The following RANBP2 variants were observed in gnomAD, a reference collection of about 807,000 sequenced individuals.
The protein encoded by RANBP2 is E3 SUMO-protein ligase RanBP2.
In RANBP2, 57 loss-of-function variants were observed where a neutral mutation model predicts 303.6. That is an observed-to-expected ratio of 0.19 (90% CI 0.15 to 0.23). The LOEUF is 0.23. Ranked by LOEUF, RANBP2 falls within the 10% of genes least tolerant of loss-of-function variation. RANBP2 has a pLI of 1.00. For synonymous variants in RANBP2, 1,167 were observed against 1,301.5 expected, an observed-to-expected ratio of 0.90 and a Z score of 2.23; for missense variants, 3,138 against 3,780.8, an observed-to-expected ratio of 0.83 and a Z score of 4.46.
chr2:109,039,490 A>G, the RANBP2 span, among the ~76,000 whole-genome samples: 18 of 152,272 alleles, frequency 1.2e-4, no homozygotes, highest in South Asian at 3.1e-3. Flanking sequence ...AGCTGGGACT[A>G]CAGGTGCATG....
the RANBP2 span, among the ~76,000 whole-genome samples, chr2:109,046,537 G>T: frequency 1.3e-5 from 2 of 151,298 alleles, no homozygotes; most frequent in African/African-American, 4.9e-5. Flanking sequence ...CTCCCAGGTA[G>T]CTGGGATTAG....
the RANBP2 span, among the ~76,000 whole-genome samples, chr2:109,725,063 A>T: frequency 1.3e-5 from 2 of 152,142 alleles, no homozygotes; most frequent in East Asian, 3.9e-4. Flanking sequence ...CTCTGTAACT[A>T]CTTGCTGAGT....
chr2:109,733,364 A>G, the RANBP2 span, among the ~76,000 whole-genome samples: 2 of 152,214 alleles, frequency 1.3e-5, no homozygotes, highest in African/African-American at 2.4e-5. Context: ...AAAGCATTTG[A>G]GGAAATAACA....
chr2:109,347,615 C>T, the RANBP2 span: 1 of 1,575,128 alleles, frequency 6.3e-7, no homozygotes, highest in South Asian at 1.2e-5. Flanking sequence ...CCGGCAGATC[C>T]ACTGTGGGGC....
chr2:109,180,615 G>A, the RANBP2 span, among the ~76,000 whole-genome samples: 53 of 152,248 alleles, frequency 3.5e-4, 2 homozygotes, highest in South Asian at 0.01. Context: ...TAAGTCTCAC[G>A]AGATCTGATG....
the RANBP2 span, among the ~76,000 whole-genome samples, chr2:109,141,302 C>T: frequency 6.6e-6 from 1 of 152,200 alleles, no homozygotes; most frequent in African/African-American, 2.4e-5. Context: ...TCGGCTTTTG[C>T]AGTTGCCACT....
At chr2:109,087,113 T>C in the RANBP2 span, among the ~76,000 whole-genome samples, 1 of 152,206 alleles carries the variant, frequency 6.6e-6, no homozygotes, top group Non-Finnish European at 1.5e-5. Context: ...AAATTGTCCC[T>C]GGGCCAGAAA....
At chr2:109,737,507 T>C in the RANBP2 span, 2 of 588,260 alleles carry the variant, frequency 3.4e-6, no homozygotes, top group Non-Finnish European at 6.0e-6. Context: ...CCACAAGCTT[T>C]CTCGCGGGCA....
At chr2:109,402,327 C>T in the RANBP2 span, among the ~76,000 whole-genome samples, 1 of 152,264 alleles carries the variant, frequency 6.6e-6, no homozygotes, top group Non-Finnish European at 1.5e-5. Context: ...GATTCTCTTC[C>T]CCACCATGCT....
At chr2:109,131,997 T>C in the RANBP2 span, among the ~76,000 whole-genome samples, 1 of 152,240 alleles carries the variant, frequency 6.6e-6, no homozygotes, top group Non-Finnish European at 1.5e-5. Context: ...TGTAATAGCA[T>C]ATCAGGCATT....
At chr2:108,720,767 G>A (rs189049190) in intron 1 of RANBP2, among the ~76,000 whole-genome samples, 70 of 152,270 alleles carry the variant, frequency 4.6e-4, no homozygotes, top group Non-Finnish European at 9.1e-4. Context: ...GGATATTGGC[G>A]GGGCGCAGTG....
chr2:108,834,789 C>T, the RANBP2 span, among the ~76,000 whole-genome samples: 2 of 152,164 alleles, frequency 1.3e-5, no homozygotes, highest in African/African-American at 2.4e-5. Flanking sequence ...GGTAGTCTCT[C>T]GTCTACTTTC....
chr2:109,031,661 C>T, the RANBP2 span, among the ~76,000 whole-genome samples: 1 of 152,144 alleles, frequency 6.6e-6, no homozygotes, highest in Admixed American at 6.5e-5. Flanking sequence ...GCTGGAGGAA[C>T]GGAGAGCGCC....
Position 108,781,310 on chromosome 2 carries a change from G to T in RANBP2, c.8641G>T (p.Gly2881Ter). Residue 2881 changes from glycine (G) to a stop codon, truncating the protein, a stop_gained, in exon 26 of 29, where the codon GGA becomes TGA. Transcript: ENST00000283195. LOFTEE classifies it high-confidence loss of function. ...QWANTGAAVF[G>*]TQSVGTQSAG... ...GGCAAATACTGGAGCAGCTGTGTTT[G>T]GAACACAGTCAGTCGGAACCCAGTC... 1 of 1,614,168 alleles carries T rather than the reference G, an allele frequency of 6.2e-7. No homozygotes were observed. The highest frequency in any genetic ancestry group is 8.5e-7 in the Non-Finnish European group (1 of 1,180,026).
the RANBP2 span, chr2:109,546,044 TCTTA>T: frequency 3.8e-6 from 6 of 1,563,244 alleles, no homozygotes; most frequent in Admixed American, 6.0e-5. Flanking sequence ...TGGCTGGGCC[TCTTA>T]CTTCTTACGG....
At chr2:109,441,163 CATAAAAATCACAATGTCTGATGTCCA>C in the RANBP2 span, among the ~76,000 whole-genome samples, 2 of 142,106 alleles carry the variant, frequency 1.4e-5, no homozygotes, top group African/African-American at 5.4e-5. Flanking sequence ...CTCTCAACAA[CATAAAAATCACAATGTCTGATGTCCA>C]ATAAAAAATT....
At chr2:109,099,520 C>T in the RANBP2 span, among the ~76,000 whole-genome samples, 4 of 152,146 alleles carry the variant, frequency 2.6e-5, no homozygotes, top group African/African-American at 9.7e-5. Flanking sequence ...TACAGCAAGG[C>T]GTGCTGACCT....
the RANBP2 span, among the ~76,000 whole-genome samples, chr2:109,045,953 A>G: frequency 6.6e-6 from 1 of 151,978 alleles, no homozygotes; most frequent in Non-Finnish European, 1.5e-5. Flanking sequence ...AGGAAATAAA[A>G]CATCTACACG....
At chr2:109,344,979 T>A in the RANBP2 span, among the ~76,000 whole-genome samples, 1 of 152,200 alleles carries the variant, frequency 6.6e-6, no homozygotes, top group Admixed American at 6.5e-5. Context: ...GGGGTCTGCA[T>A]CAGTGAAGGG....
Sources: gnomAD v4.1 joint callset for allele counts (sites outside exome capture counted in the v4.1 genomes callset) on GRCh38, gnomAD v4.1.1 for gene constraint, MANE v1.5 for transcripts, NCBI Gene and HGNC (gene_info 2026-07-23, HGNC 2026-07-21) for gene names.